Variants in RAPGEF2 observed in about 807,000 individuals in gnomAD.
RAPGEF2 encodes Rap guanine nucleotide exchange factor 2.
RAPGEF2 carries 54 observed loss-of-function variants against 186.7 expected under a neutral mutation model. That is an observed-to-expected ratio of 0.29 (90% confidence interval 0.23 to 0.36). The LOEUF (loss-of-function observed/expected upper bound fraction) is 0.36, where lower values mean the gene tolerates loss of function less well. RAPGEF2 is among the 10% of genes least tolerant of loss of function. The probability of loss-of-function intolerance (pLI) is 1.00; values close to 1 mark genes in which losing one functional copy is unlikely to be tolerated. For missense variants in RAPGEF2, 1,532 were observed against 2,045.0 expected, an observed-to-expected ratio of 0.75 and a Z score of 4.84; for synonymous variants, 712 against 705.9, an observed-to-expected ratio of 1.01 and a Z score of -0.14.
rs961284762 is a variant in RAPGEF2, at chr4:159,289,441, A to T, written c.544-14901A>T. Among the ~76,000 whole-genome samples the T allele has an allele frequency of 2.6e-5, 4 of 152,162 alleles. No homozygotes were observed. The South Asian group carries it at 8.3e-4, about 31-fold the overall frequency. On this transcript the variant is annotated intron_variant, in intron 7 of 29. Transcript: ENST00000691494. The stretch of plus-strand genomic sequence containing the variant: ...TTGCTGTTCATTGTGTTTTAGTTTT[A>T]TTCTGGTGATCTTACCTATAATTGC...
intron 17 of RAPGEF2, among the ~76,000 whole-genome samples, chr4:159,336,993 A>AT (rs1767522452): frequency 6.6e-6 from 1 of 152,062 alleles, no homozygotes; most frequent in African/African-American, 2.4e-5. Flanking sequence ...TTATTGCTTT[A>AT]TTTGAGTTTT....
At chr4:159,273,305 G>A (rs946622517) in intron 7 of RAPGEF2, among the ~76,000 whole-genome samples, 2 of 152,192 alleles carry the variant, frequency 1.3e-5, no homozygotes, top group Non-Finnish European at 2.9e-5. Flanking sequence ...ACAAATAATA[G>A]ATCTTTTTAC....
At chr4:159,283,861 A>G (rs1385247903) in intron 7 of RAPGEF2, among the ~76,000 whole-genome samples, 1 of 152,172 alleles carries the variant, frequency 6.6e-6, no homozygotes, top group Non-Finnish European at 1.5e-5. Context: ...TCAGATTCCT[A>G]GCTTCTTAAT....
At chr4:159,176,357 G>C (rs886191057) in intron 1 of RAPGEF2, among the ~76,000 whole-genome samples, 4 of 152,106 alleles carry the variant, frequency 2.6e-5, no homozygotes, top group African/African-American at 9.7e-5. Flanking sequence ...GCCTTGTTTG[G>C]GAAATTCGTG....
At chr4:159,332,412 A>C (rs772326640) in intron 16 of RAPGEF2, 39 bp from the exon 17 acceptor site, 5 of 1,578,188 alleles carry the variant, frequency 3.2e-6, no homozygotes, top group Admixed American at 3.5e-5. Context: ...ATATCTTATA[A>C]TTGCCATTAC....
chr4:159,352,583 G>A, intron 26 of RAPGEF2, 102 bp from the exon 27 acceptor site: 1 of 878,258 alleles, frequency 1.1e-6, no homozygotes, highest in Non-Finnish European at 1.8e-6. Context: ...CCACTTAAGA[G>A]ATATCTATGC....
At position 159,323,673 on chromosome 4, in the gene RAPGEF2, T is replaced by C; in HGVS notation, c.1149+56T>C. 4 of 1,084,492 alleles carry C rather than the reference T, an allele frequency of 3.7e-6. No homozygotes were observed. In the South Asian group the frequency reaches 1.4e-4, roughly 39 times the overall value. 67.2% of individuals were successfully genotyped at this position (1,084,492 alleles called of 1,614,324 possible). The stretch of plus-strand genomic sequence containing the variant: ...TTATTCTTAATAAAGAACACTTATA[T>C]GCCATTGTGATGAGATTTTTCTCCC... On this transcript the variant is annotated intron_variant, in intron 11 of 29. Transcript: ENST00000691494.
In RAPGEF2 at chr4:159,104,078, G is replaced by A; in HGVS notation, c.-85G>A. On this transcript the variant is annotated 5_prime_UTR_variant, in exon 1 of 30. Coordinates refer to ENST00000691494, the MANE Select transcript of RAPGEF2 (RefSeq NM_001394067.2). ...TCGCGGGCGGGCGGGCGGGCGCAGC[G>A]CGCAGGGCGGAGGCAGCAGCGGCGC... The A allele has an allele frequency of 1.2e-6, 1 of 821,806 alleles. No individual in the cohort carries two copies. Among genetic ancestry groups the A allele is most frequent in the Non-Finnish European group, 1.6e-6 (1 of 639,308 alleles). The allele number at this position is 821,806 out of a possible 1,614,324, so 50.9% of individuals were successfully genotyped here.
intron 11 of RAPGEF2, chr4:159,327,634 G>A (rs925052121): frequency 1.3e-5 from 2 of 149,064 alleles, no homozygotes; most frequent in African/African-American, 4.9e-5. Flanking sequence ...TCCAGCCTGG[G>A]CGATAGAGTG....
At chr4:159,154,110 T>C (rs990861502) in intron 1 of RAPGEF2, among the ~76,000 whole-genome samples, 1 of 152,234 alleles carries the variant, frequency 6.6e-6, no homozygotes, top group Non-Finnish European at 1.5e-5. Context: ...CTAAGGTCTT[T>C]TCTAGCTCTA....
chr4:159,264,889 A>G (rs1757256990), intron 7 of RAPGEF2, among the ~76,000 whole-genome samples: 1 of 152,122 alleles, frequency 6.6e-6, no homozygotes, highest in Non-Finnish European at 1.5e-5. Context: ...TTCTAGCTTG[A>G]TGTTTTCAAG....
At chr4:159,307,768 C>CT (rs1259475215) in intron 8 of RAPGEF2, among the ~76,000 whole-genome samples, 1 of 152,094 alleles carries the variant, frequency 6.6e-6, no homozygotes, top group Non-Finnish European at 1.5e-5. Context: ...GGCCAGGAAT[C>CT]TAAGACCAGC....
At chr4:159,199,152 A>G (rs1023144503) in intron 3 of RAPGEF2, among the ~76,000 whole-genome samples, 1 of 152,036 alleles carries the variant, frequency 6.6e-6, no homozygotes, top group African/African-American at 2.4e-5. Flanking sequence ...GAATTGTAGG[A>G]CACGGGTGCT....
At chr4:159,113,928 A>T (rs1307252688) in intron 1 of RAPGEF2, among the ~76,000 whole-genome samples, 1 of 151,796 alleles carries the variant, frequency 6.6e-6, no homozygotes, top group Non-Finnish European at 1.5e-5. Flanking sequence ...AAATAAATGG[A>T]TGAGAAGAGA....
At chr4:159,203,898 A>G (rs1215526153) in intron 3 of RAPGEF2, among the ~76,000 whole-genome samples, 1 of 152,254 alleles carries the variant, frequency 6.6e-6, no homozygotes, top group Admixed American at 6.5e-5. Context: ...TTGAGGAACT[A>G]GAATCTCAGA....
intron 7 of RAPGEF2, among the ~76,000 whole-genome samples, chr4:159,249,686 T>C (rs1165309907): frequency 6.6e-6 from 1 of 150,764 alleles, no homozygotes; most frequent in Non-Finnish European, 1.5e-5. Context: ...ATCTGTACTA[T>C]TTTAATAGTA....
At chr4:159,111,343 T>C (rs1455490206) in intron 1 of RAPGEF2, among the ~76,000 whole-genome samples, 1 of 152,260 alleles carries the variant, frequency 6.6e-6, no homozygotes, top group Non-Finnish European at 1.5e-5. Flanking sequence ...CCGCTGGCTG[T>C]TGTTTCTCAT....
Position 159,330,462 on chromosome 4 carries a change from A to G in RAPGEF2, c.1431A>G (p.Leu477=), listed in dbSNP as rs1375287579. ...GCCCAATGGAAGTGGGCAAAAAGTT[A>G]TTGGAGTGGTTTAATGACCCGAGCC... ...LSSPMEVGKK[L]LEWFNDPSLR... The change falls in exon 13 of 30, where the codon TTA becomes TTG. Residue 477 remains leucine, a synonymous_variant. Coordinates refer to ENST00000691494, the MANE Select transcript of RAPGEF2 (RefSeq NM_001394067.2). The G allele has an allele frequency of 2.3e-5, 37 of 1,607,254 alleles. No homozygotes were observed. The highest frequency in any genetic ancestry group is 3.1e-5 in the Non-Finnish European group (37 of 1,178,356).
chr4:159,291,167 G>T (rs1442142832), intron 7 of RAPGEF2, among the ~76,000 whole-genome samples: 1 of 152,202 alleles, frequency 6.6e-6, no homozygotes, highest in Non-Finnish European at 1.5e-5. Context: ...AGTACCTGTG[G>T]TGGTGGTTGT....
Sources: allele counts gnomAD v4.1 joint callset (sites outside exome capture counted in the v4.1 genomes callset), GRCh38; gene constraint gnomAD v4.1.1; transcripts MANE v1.5; gene names NCBI Gene and HGNC (gene_info 2026-07-23, HGNC 2026-07-21).